ZNF236: variants seen among roughly 807,000 people sequenced by gnomAD.
The protein encoded by ZNF236 is regulated by glucose.
Under a neutral mutation model 191.2 loss-of-function variants are expected in ZNF236, and 50 were observed. The ratio of observed to expected loss-of-function variants is 0.26; its 90% CI spans 0.21 to 0.33. The LOEUF (loss-of-function observed/expected upper bound fraction) is 0.33, where lower values mean the gene tolerates loss of function less well. Ranked by LOEUF, ZNF236 falls within the 10% of genes least tolerant of loss-of-function variation. ZNF236 has a pLI of 1.00. For missense variants in ZNF236, 1,754 were observed against 2,374.5 expected (o/e 0.74, Z 5.43); for synonymous variants, 907 against 928.8 (o/e 0.98, Z 0.43).
intron 1 of ZNF236, among the ~76,000 whole-genome samples, chr18:76,829,330 G>A (rs1469363243): frequency 2.0e-4 from 10 of 49,702 alleles, no homozygotes; most frequent in African/African-American, 3.6e-4. Flanking sequence ...TCCTGGGGGA[G>A]GTTTTTTTTT....
rs550160222 is a variant in ZNF236, at chr18:76,907,627, C to T, written c.2298-693C>T. Among the ~76,000 whole-genome samples, 16 of 152,098 alleles carry T rather than the reference C, an allele frequency of 1.1e-4. No homozygotes were observed. In the South Asian group the frequency reaches 1.7e-3, roughly 16 times the overall value. On this transcript the variant is annotated intron_variant, in intron 13 of 30. Transcript: ENST00000320610. ...TACAGGTGTGAGCTGCGCGCCTGGC[C>T]GGCTCTTTGTCTTAGATATTCTTCG...
chr18:76,907,578 C>T (rs1177433381), intron 13 of ZNF236, among the ~76,000 whole-genome samples: 7 of 152,206 alleles, frequency 4.6e-5, no homozygotes, highest in African/African-American at 1.7e-4. Flanking sequence ...ATCCTCCAGC[C>T]TTGGCCTCCC....
At chr18:76,845,765 A>G (rs1975656234) in intron 1 of ZNF236, among the ~76,000 whole-genome samples, 3 of 152,010 alleles carry the variant, frequency 2.0e-5, no homozygotes, top group South Asian at 4.2e-4. Context: ...AGGAGAATCA[A>G]TTGAACCCGG....
At chr18:76,904,699 A>G (rs1977691828) in intron 12 of ZNF236, among the ~76,000 whole-genome samples, 178 bp downstream of exon 12, 1 of 152,226 alleles carries the variant, frequency 6.6e-6, no homozygotes, top group African/African-American at 2.4e-5. Context: ...TGACTAAAAT[A>G]TTTTATCCAG....
chr18:76,851,290 G>C (rs1452526374), intron 2 of ZNF236, among the ~76,000 whole-genome samples: 1 of 127,510 alleles, frequency 7.8e-6, no homozygotes, highest in Non-Finnish European at 1.6e-5. Context: ...TTTTGAGACA[G>C]AGTCTCGCCC....
chr18:76,911,509 T>A (rs117239319), intron 16 of ZNF236, among the ~76,000 whole-genome samples: 2,407 of 152,326 alleles, frequency 0.016, 30 homozygotes, highest in Middle Eastern at 0.021. Context: ...TAAATAAAAC[T>A]GTGCAAATCC....
At chr18:76,933,341 G>A (rs1185813207) in intron 25 of ZNF236, among the ~76,000 whole-genome samples, 1 of 151,922 alleles carries the variant, frequency 6.6e-6, no homozygotes. Flanking sequence ...TTGGTGGCGG[G>A]TGCCTGTAAT....
intron 13 of ZNF236, 133 bp downstream of exon 13, chr18:76,905,548 A>T: frequency 2.5e-5 from 1 of 39,666 alleles, no homozygotes; most frequent in Non-Finnish European, 3.4e-5. Context: ...GGCTCAAGAA[A>T]AAAAAAAAAA....
rs201885981 is a variant in ZNF236 at position 76,880,036 on chromosome 18, G to T, written c.985-77G>T. 5.3e-5 allele frequency: 54 copies of T among 1,015,622 alleles called. No homozygotes were observed. Among genetic ancestry groups the T allele is most frequent in the African/African-American group, 5.0e-4 (30 of 60,258 alleles). The allele number at this position is 1,015,622 out of a possible 1,614,324, so 62.9% of individuals were successfully genotyped here. A position where few individuals can be genotyped will look rare whatever the true frequency, so the allele number is the denominator to read the frequency against. Reference sequence around the variant, plus strand: ...AACACCCTTAAGGAGGGTATTGCCTGTTTTTTTTTTTTTAATTTTCCTTTT... The same window carrying T: ...AACACCCTTAAGGAGGGTATTGCCTTTTTTTTTTTTTTTAATTTTCCTTTT... On this transcript the variant is annotated intron_variant, in intron 7 of 30. Transcript: ENST00000320610. The surrounding 1 kb of genome is among the most constrained non-coding windows in gnomAD (Gnocchi z 5.0).
intron 12 of ZNF236, 130 bp from the exon 13 acceptor site, chr18:76,905,025 C>A: frequency 4.0e-6 from 4 of 999,696 alleles, no homozygotes; most frequent in Non-Finnish European, 5.7e-6. Flanking sequence ...ATGTGGAGAG[C>A]TCCGGCATTG....
At chr18:76,837,899 A>G (rs2122437279) in intron 1 of ZNF236, among the ~76,000 whole-genome samples, 1 of 152,308 alleles carries the variant, frequency 6.6e-6, no homozygotes, top group South Asian at 2.1e-4. Flanking sequence ...CCAATATCAT[A>G]CTGTTTTGAT....
intron 3 of ZNF236, among the ~76,000 whole-genome samples, chr18:76,854,697 T>C (rs111985637): frequency 2.0e-3 from 307 of 152,334 alleles, no homozygotes; most frequent in Non-Finnish European, 3.5e-3. Flanking sequence ...TAATATATCT[T>C]TGCATATGAA....
At chr18:76,869,869 T>C (rs944402337) in intron 4 of ZNF236, among the ~76,000 whole-genome samples, 2 of 152,154 alleles carry the variant, frequency 1.3e-5, no homozygotes, top group African/African-American at 4.8e-5. Context: ...GGCAGGAGAA[T>C]TGCTTGTACT....
At chr18:76,890,030 A>G (rs1977181281) in intron 9 of ZNF236, among the ~76,000 whole-genome samples, 2 of 152,356 alleles carry the variant, frequency 1.3e-5, no homozygotes, top group South Asian at 2.1e-4. Flanking sequence ...ATTTGCTAAC[A>G]TGAATGATGC....
chr18:76,824,265 C>G, intron 1 of ZNF236: 1 of 777,290 alleles, frequency 1.3e-6, no homozygotes, highest in Non-Finnish European at 2.4e-6. Context: ...ACCAGGAATT[C>G]TTGTCGTGAT....
intron 27 of ZNF236, among the ~76,000 whole-genome samples, chr18:76,948,989 C>T (rs905379373): frequency 2.6e-5 from 4 of 152,154 alleles, no homozygotes; most frequent in Admixed American, 6.5e-5. Flanking sequence ...GGGTGATGCT[C>T]GGGAGCTGAT....
intron 3 of ZNF236, among the ~76,000 whole-genome samples, chr18:76,863,434 G>T (rs1367623225): frequency 1.3e-5 from 2 of 152,094 alleles, no homozygotes; most frequent in Admixed American, 6.5e-5. Flanking sequence ...AAAAAATCTT[G>T]TGAGAGACTA....
intron 27 of ZNF236, among the ~76,000 whole-genome samples, chr18:76,953,402 C>T (rs1000208101): frequency 2.0e-5 from 3 of 152,210 alleles, no homozygotes; most frequent in African/African-American, 4.8e-5. Flanking sequence ...TCCCACTAGG[C>T]ATGTGGTCTT....
At chr18:76,886,941 C>A (rs965325246) in intron 9 of ZNF236, 9 of 202,394 alleles carry the variant, frequency 4.4e-5, no homozygotes, top group South Asian at 2.1e-4. Flanking sequence ...CTTGATATCC[C>A]CATTCTGAAT....
Sources: gnomAD v4.1 joint callset for allele counts (sites outside exome capture counted in the v4.1 genomes callset) on GRCh38, gnomAD v4.1.1 for gene constraint, Gnocchi (gnomAD v3.1) non-coding constraint, MANE v1.5 for transcripts, NCBI Gene and HGNC (gene_info 2026-07-23, HGNC 2026-07-21) for gene names.